ADAMTS12: variants seen among roughly 807,000 people sequenced by gnomAD.
ADAMTS12 encodes ADAM metallopeptidase with thrombospondin type 1 motif 12, also known as A disintegrin and metalloproteinase with thrombospondin motifs 12.
Under a neutral mutation model 167.8 loss-of-function variants are expected in ADAMTS12, and 118 were observed. That is an observed-to-expected ratio of 0.70 (90% confidence interval 0.61 to 0.82). ADAMTS12 has a LOEUF of 0.82. ADAMTS12 is among the 40% of genes least tolerant of loss of function. The pLI is 0.00. For missense variants in ADAMTS12, 1,916 were observed against 1,998.8 expected, an observed-to-expected ratio of 0.96 and a Z score of 0.79; for synonymous variants, 704 against 716.9, an observed-to-expected ratio of 0.98 and a Z score of 0.29.
At chr5:33,868,930 C>T (rs73073102) in intron 2 of ADAMTS12, among the ~76,000 whole-genome samples, 5,484 of 152,270 alleles carry the variant, frequency 0.036, 338 homozygotes, top group African/African-American at 0.13. Flanking sequence ...GTTTGGAAAA[C>T]TTGCAGCCCA....
intron 2 of ADAMTS12, among the ~76,000 whole-genome samples, chr5:33,766,521 C>T (rs78942647): frequency 0.012 from 1,881 of 152,184 alleles, 33 homozygotes; most frequent in African/African-American, 0.043. Context: ...TTACTAGTAA[C>T]GTACCAATGT....
At chr5:33,545,015 C>A (rs577342927) in intron 22 of ADAMTS12, among the ~76,000 whole-genome samples, 54 of 152,322 alleles carry the variant, frequency 3.5e-4, no homozygotes, top group African/African-American at 1.2e-3. Context: ...CAAATGGGAT[C>A]TAATTAAACT....
At chr5:33,889,757 G>C (rs1450323305) in intron 1 of ADAMTS12, among the ~76,000 whole-genome samples, 3 of 152,124 alleles carry the variant, frequency 2.0e-5, no homozygotes, top group Non-Finnish European at 2.9e-5. Flanking sequence ...GTTGGAGACA[G>C]CCTGGCCAAC....
At chr5:33,628,407 A>T (rs1333848076) in intron 13 of ADAMTS12, among the ~76,000 whole-genome samples, 1 of 152,148 alleles carries the variant, frequency 6.6e-6, no homozygotes, top group East Asian at 1.9e-4. Context: ...TATCTTTGAT[A>T]AACAAGCTTA....
At chr5:33,744,678 G>A (rs928851832) in intron 3 of ADAMTS12, among the ~76,000 whole-genome samples, 3 of 152,188 alleles carry the variant, frequency 2.0e-5, no homozygotes, top group Admixed American at 2.0e-4. Flanking sequence ...TATTTGGGAA[G>A]GCAGAAATGA....
chr5:33,562,385 T>C (rs1194750633), intron 19 of ADAMTS12, among the ~76,000 whole-genome samples: 1 of 152,126 alleles, frequency 6.6e-6, no homozygotes, highest in African/African-American at 2.4e-5. Flanking sequence ...ACCATGAAAA[T>C]GTCCATCACA....
chr5:33,675,262 C>T (rs935962207), intron 5 of ADAMTS12, among the ~76,000 whole-genome samples: 4 of 152,148 alleles, frequency 2.6e-5, no homozygotes, highest in African/African-American at 9.7e-5. Flanking sequence ...AAAAAGTGAT[C>T]AAGCAGTAGT....
chr5:33,769,779 T>C (rs1021576535), intron 2 of ADAMTS12, among the ~76,000 whole-genome samples: 2 of 152,170 alleles, frequency 1.3e-5, no homozygotes, highest in African/African-American at 4.8e-5. Context: ...AGATGCAGAA[T>C]TGTACCCTGA....
At chr5:33,616,645 C>T (rs1739032543) in intron 14 of ADAMTS12, among the ~76,000 whole-genome samples, 1 of 152,218 alleles carries the variant, frequency 6.6e-6, no homozygotes, top group Non-Finnish European at 1.5e-5. Flanking sequence ...ACTCTGAGTA[C>T]AGCCTTTTAT....
intron 23 of ADAMTS12, among the ~76,000 whole-genome samples, chr5:33,533,829 C>T (rs1744239302): frequency 6.6e-6 from 1 of 152,140 alleles, no homozygotes; most frequent in South Asian, 2.1e-4. Context: ...ACAGAACTCA[C>T]TATCTTCCCT....
chr5:33,628,364 GA>G (rs547448797), intron 13 of ADAMTS12, among the ~76,000 whole-genome samples: 131 of 152,178 alleles, frequency 8.6e-4, no homozygotes, highest in Non-Finnish European at 1.7e-3. Flanking sequence ...ATTTAAAACA[GA>G]AGGTGTCCTG....
intron 2 of ADAMTS12, among the ~76,000 whole-genome samples, chr5:33,841,113 C>G (rs192237859): frequency 2.0e-5 from 3 of 152,134 alleles, no homozygotes; most frequent in African/African-American, 7.2e-5. Flanking sequence ...CACACAGTCT[C>G]CTGGCTGGAT....
intron 23 of ADAMTS12, 25 bp from the exon 24 acceptor site, chr5:33,527,391 A>G (rs1360943623): frequency 4.4e-6 from 7 of 1,607,758 alleles, no homozygotes; most frequent in Non-Finnish European, 6.0e-6. Context: ...AAAGAATAAG[A>G]AAAAAGTCCA....
At chr5:33,559,275 T>C (rs1165236073) in intron 20 of ADAMTS12, among the ~76,000 whole-genome samples, 2 of 152,198 alleles carry the variant, frequency 1.3e-5, no homozygotes, top group Non-Finnish European at 2.9e-5. Context: ...GACAGGGGCC[T>C]ACCAGGCTTC....
In ADAMTS12 at chr5:33,577,230, A is replaced by G. The variant is rs1276142068; in HGVS notation, c.2866-70T>C. On this transcript the variant is annotated intron_variant, in intron 18 of 23. Coordinates refer to ENST00000504830, the MANE Select transcript of ADAMTS12 (RefSeq NM_030955.4). ...TTATTCTCATGGTTAGGTCTATAAC[A>G]GATCAAAACAGGCCTGATGGAAACT... 3 of 1,601,648 alleles carry G rather than the reference A, an allele frequency of 1.9e-6. No homozygotes were observed. The East Asian group carries it at 6.7e-5, about 36-fold the overall frequency.
chr5:33,668,064 G>A (rs750324494), intron 5 of ADAMTS12, among the ~76,000 whole-genome samples: 4 of 152,170 alleles, frequency 2.6e-5, no homozygotes, highest in Non-Finnish European at 5.9e-5. Context: ...TACTCCTTGA[G>A]TTACAACTGG....
At chr5:33,527,602 A>G (rs1432976316) in intron 23 of ADAMTS12, among the ~76,000 whole-genome samples, 2 of 152,172 alleles carry the variant, frequency 1.3e-5, no homozygotes, top group African/African-American at 2.4e-5. Flanking sequence ...TTTATACAGA[A>G]CATTCCCTCC....
intron 22 of ADAMTS12, among the ~76,000 whole-genome samples, chr5:33,545,154 A>C (rs943291232): frequency 6.6e-6 from 1 of 152,244 alleles, no homozygotes; most frequent in Non-Finnish European, 1.5e-5. Context: ...AACTTAAAGA[A>C]ATTTACAAGA....
intron 22 of ADAMTS12, among the ~76,000 whole-genome samples, chr5:33,540,166 G>T (rs1178829280): frequency 1.3e-5 from 2 of 152,268 alleles, no homozygotes; most frequent in Non-Finnish European, 2.9e-5. Flanking sequence ...TCCTGTGCCT[G>T]GTTCGGCAGG....
Sources: gnomAD v4.1 joint callset for allele counts (sites outside exome capture counted in the v4.1 genomes callset) on GRCh38, gnomAD v4.1.1 for gene constraint, MANE v1.5 for transcripts, NCBI Gene and HGNC (gene_info 2026-07-23, HGNC 2026-07-21) for gene names.